Variants in SMARCC1 observed in about 807,000 individuals in gnomAD.
SMARCC1 encodes SWI/SNF related BAF chromatin remodeling complex subunit C1.
SMARCC1 carries 43 observed loss-of-function variants against 147.4 expected under a neutral mutation model. The ratio of observed to expected loss-of-function variants is 0.29; its 90% confidence interval spans 0.23 to 0.38. The LOEUF is 0.38. SMARCC1 is among the 10% of genes least tolerant of loss of function. The pLI, the probability that SMARCC1 is intolerant of heterozygous loss-of-function variation, is 1.00. For missense variants in SMARCC1, 1,119 were observed against 1,381.1 expected, an observed-to-expected ratio of 0.81 and a Z score of 3.01; for synonymous variants, 495 against 484.4, an observed-to-expected ratio of 1.02 and a Z score of -0.29.
rs1009892066 is a variant in SMARCC1, at chr3:47,729,238, A to T, written c.577-144T>A. The T allele has an allele frequency of 1.3e-5, 8 of 608,142 alleles. No homozygotes were observed. In the African/African-American group the frequency reaches 1.5e-4, roughly 11 times the overall value. 37.7% of individuals were successfully genotyped at this position (608,142 alleles called of 1,614,324 possible). On this transcript the variant is annotated intron_variant, in intron 5 of 27. Coordinates refer to ENST00000254480, the MANE Select transcript of SMARCC1 (RefSeq NM_003074.4). ...AAAAAGACTTGCTTCTTTTTAGTCA[A>T]ATAAAAAAAAGTGATTAACAACAAT...
intron 22 of SMARCC1, 151 bp from the exon 23 acceptor site, chr3:47,636,287 A>T (rs2032967829): frequency 3.4e-6 from 2 of 594,938 alleles, no homozygotes; most frequent in Non-Finnish European, 5.9e-6. Context: ...CAGCTCGAAA[A>T]GAACTAATAC....
chr3:47,654,954 C>T (rs2033241870), intron 21 of SMARCC1, among the ~76,000 whole-genome samples: 1 of 152,210 alleles, frequency 6.6e-6, no homozygotes, highest in South Asian at 2.1e-4. Flanking sequence ...CATATCCAAA[C>T]CCCAGCAGCA....
chr3:47,726,487 G>A (rs2106817314), intron 6 of SMARCC1, among the ~76,000 whole-genome samples: 2 of 152,180 alleles, frequency 1.3e-5, no homozygotes, highest in Middle Eastern at 3.4e-3. Context: ...TGTTAAGACG[G>A]TAAACATAAA....
chr3:47,632,713 G>A (rs554818500), intron 24 of SMARCC1, among the ~76,000 whole-genome samples: 12 of 152,176 alleles, frequency 7.9e-5, no homozygotes, highest in African/African-American at 9.6e-5. Flanking sequence ...AAGAATGTCC[G>A]AAAAAGCTTA....
chr3:47,677,138 T>C (rs567072552), intron 16 of SMARCC1, among the ~76,000 whole-genome samples: 18 of 152,310 alleles, frequency 1.2e-4, no homozygotes, highest in African/African-American at 3.4e-4. Flanking sequence ...GCTCTGTCTC[T>C]AAGGCTGGAG....
chr3:47,605,568 T>C (rs966828182), intron 26 of SMARCC1, among the ~76,000 whole-genome samples: 1 of 152,096 alleles, frequency 6.6e-6, no homozygotes, highest in African/African-American at 2.4e-5. Flanking sequence ...GCCCAGGAGT[T>C]CAAGACCAGC....
intron 2 of SMARCC1, among the ~76,000 whole-genome samples, chr3:47,759,618 CAAAAAAA>C (rs796811233): frequency 2.2e-4 from 14 of 63,766 alleles, no homozygotes; most frequent in East Asian, 4.5e-4. Context: ...GACTCCGTCT[CAAAAAAA>C]AAAAAAAAAA....
chr3:47,602,325 T>C (rs968802296), intron 26 of SMARCC1, among the ~76,000 whole-genome samples: 1 of 152,080 alleles, frequency 6.6e-6, no homozygotes, highest in African/African-American at 2.4e-5. Context: ...AAAGACAGGG[T>C]CTTGCTCTAT....
chr3:47,728,201 C>T (rs1268017400), intron 6 of SMARCC1, among the ~76,000 whole-genome samples: 2 of 146,350 alleles, frequency 1.4e-5, no homozygotes, highest in African/African-American at 5.0e-5. Flanking sequence ...ATTCTCCTGC[C>T]TCAGCCTCCC....
chr3:47,740,915 G>C (rs1023242189), intron 3 of SMARCC1, among the ~76,000 whole-genome samples: 4 of 150,174 alleles, frequency 2.7e-5, no homozygotes, highest in African/African-American at 9.8e-5. Flanking sequence ...TTGTGACTTT[G>C]TAAAGTTGTA....
At chr3:47,700,484 C>T (rs2033904272) in intron 11 of SMARCC1, among the ~76,000 whole-genome samples, 1 of 152,024 alleles carries the variant, frequency 6.6e-6, no homozygotes, top group Non-Finnish European at 1.5e-5. Flanking sequence ...ATAAAAAATA[C>T]CTTATCAATA....
intron 2 of SMARCC1, among the ~76,000 whole-genome samples, chr3:47,761,875 C>T (rs554770279): frequency 2.6e-5 from 4 of 152,300 alleles, no homozygotes; most frequent in African/African-American, 9.6e-5. Context: ...GTGGCACAAT[C>T]TTGGCTCACT....
At chr3:47,609,984 C>T (rs1208339074) in intron 26 of SMARCC1, 82 bp downstream of exon 26, 5 of 1,459,256 alleles carry the variant, frequency 3.4e-6, no homozygotes, top group Admixed American at 3.8e-5. Flanking sequence ...CAGAAAACAC[C>T]AACTGTGTGG....
At chr3:47,770,080 T>C (rs1046246877) in intron 2 of SMARCC1, among the ~76,000 whole-genome samples, 1 of 149,858 alleles carries the variant, frequency 6.7e-6, no homozygotes, top group Non-Finnish European at 1.5e-5. Context: ...AAAAAAAAAA[T>C]TAGCCAGTGT....
chr3:47,739,230 C>T (rs1289986894), intron 3 of SMARCC1, among the ~76,000 whole-genome samples: 1 of 152,150 alleles, frequency 6.6e-6, no homozygotes, highest in Non-Finnish European at 1.5e-5. Context: ...TAACAGCTTA[C>T]TGTGGGCTTT....
intron 26 of SMARCC1, among the ~76,000 whole-genome samples, chr3:47,606,884 T>C (rs958429522): frequency 2.6e-5 from 4 of 151,560 alleles, no homozygotes; most frequent in African/African-American, 9.7e-5. Context: ...CTACTTTTTT[T>C]TTTTTTTTTT....
intron 5 of SMARCC1, among the ~76,000 whole-genome samples, chr3:47,735,624 C>T (rs2034432595): frequency 6.6e-6 from 1 of 152,024 alleles, no homozygotes; most frequent in Non-Finnish European, 1.5e-5. Flanking sequence ...ACAATTAGCA[C>T]ACACCTGTAG....
chr3:47,671,860 A>G (rs1174766423), intron 18 of SMARCC1, among the ~76,000 whole-genome samples: 2 of 152,260 alleles, frequency 1.3e-5, no homozygotes, highest in African/African-American at 4.8e-5. Flanking sequence ...ATATGTCAAT[A>G]AAGTTTCTCA....
intron 2 of SMARCC1, among the ~76,000 whole-genome samples, chr3:47,759,186 A>G (rs2106859142): frequency 6.6e-6 from 1 of 151,516 alleles, no homozygotes; most frequent in African/African-American, 2.4e-5. Context: ...TAATTTTGAT[A>G]TTTTTTTGTA....
Sources: gnomAD v4.1 joint callset for allele counts (sites outside exome capture counted in the v4.1 genomes callset) on GRCh38, gnomAD v4.1.1 for gene constraint, MANE v1.5 for transcripts, NCBI Gene and HGNC (gene_info 2026-07-23, HGNC 2026-07-21) for gene names.